The following GPR39 variants were observed in gnomAD, a reference collection of about 807,000 sequenced individuals.
GPR39 encodes the protein G protein-coupled receptor 39.
Under a neutral mutation model 18.4 loss-of-function variants are expected in GPR39, and 23 were observed. The observed-to-expected ratio is 1.25, with a 90% CI of 0.90 to 1.77. The LOEUF is 1.77. Among genes scored for constraint, GPR39 ranks in the 40% most tolerant of loss-of-function variants. GPR39 has a pLI of 0.00. For missense variants in GPR39, 647 were observed against 602.4 expected, an observed-to-expected ratio of 1.07 and a Z score of -0.78; for synonymous variants, 280 against 257.9, an observed-to-expected ratio of 1.09 and a Z score of -0.82.
intron 1 of GPR39, among the ~76,000 whole-genome samples, chr2:132,432,979 C>A (rs539732287): frequency 4.6e-5 from 7 of 152,256 alleles, no homozygotes; most frequent in African/African-American, 1.7e-4. Flanking sequence ...ATTTGAACTA[C>A]TTGGGTCTTC....
intron 1 of GPR39, among the ~76,000 whole-genome samples, chr2:132,531,198 G>C (rs957381572): frequency 3.9e-5 from 6 of 152,150 alleles, no homozygotes; most frequent in African/African-American, 1.4e-4. Flanking sequence ...GGCAGGGGTT[G>C]CAATCCTAGT....
intron 1 of GPR39, among the ~76,000 whole-genome samples, chr2:132,481,847 C>G (rs1246759360): frequency 6.6e-6 from 1 of 152,214 alleles, no homozygotes; most frequent in African/African-American, 2.4e-5. Context: ...ATGCTCCAGC[C>G]TCAGCATGCC....
At chr2:132,550,432 T>C (rs10166090) in intron 1 of GPR39, among the ~76,000 whole-genome samples, 50,290 of 151,956 alleles carry the variant, frequency 0.33, 8,645 homozygotes, top group African/African-American at 0.42. Context: ...GTGTTGCATC[T>C]GTGGTTTCCA....
At position 132,528,930 on chromosome 2, in the gene GPR39, C is replaced by T. The variant is rs532478352; in HGVS notation, c.856+111032C>T. On this transcript the variant is annotated intron_variant, in intron 1 of 1. Coordinates refer to ENST00000329321, the MANE Select transcript of GPR39 (RefSeq NM_001508.3). ...ATAGGAACAGCTCCAGTCTACAGCT[C>T]CCAGCATGAGCGATGCAGAAGACAG... is the stretch of plus-strand genomic sequence containing the variant. Among the ~76,000 whole-genome samples the T allele has an allele frequency of 2.6e-5, 4 of 152,238 alleles. No individual in the cohort carries two copies. In the East Asian group the frequency reaches 7.8e-4, roughly 30 times the overall value.
At chr2:132,473,048 G>A (rs1681062783) in intron 1 of GPR39, among the ~76,000 whole-genome samples, 1 of 152,088 alleles carries the variant, frequency 6.6e-6, no homozygotes, top group Non-Finnish European at 1.5e-5. Context: ...GCCACTGCCT[G>A]AACCTGCTAC....
At chr2:132,555,487 T>G (rs1680133662) in intron 1 of GPR39, among the ~76,000 whole-genome samples, 1 of 152,110 alleles carries the variant, frequency 6.6e-6, no homozygotes, top group Admixed American at 6.5e-5. Context: ...AACTGGCAAG[T>G]TGGTGCTGGG....
At chr2:132,523,046 C>T (rs6759012) in intron 1 of GPR39, among the ~76,000 whole-genome samples, 27,862 of 152,132 alleles carry the variant, frequency 0.18, 3,285 homozygotes, top group East Asian at 0.62. Flanking sequence ...TCTGCCACCA[C>T]CAACTTACGT....
chr2:132,636,282 G>A (rs1054737561), intron 1 of GPR39, among the ~76,000 whole-genome samples: 21 of 152,190 alleles, frequency 1.4e-4, no homozygotes, highest in African/African-American at 5.1e-4. Flanking sequence ...TCTTAGCTCT[G>A]TGCTCCACCC....
chr2:132,557,863 C>G (rs994328161), intron 1 of GPR39, among the ~76,000 whole-genome samples: 16 of 151,964 alleles, frequency 1.1e-4, no homozygotes, highest in African/African-American at 3.4e-4. Flanking sequence ...CCATGCCGCC[C>G]GGGGGGGCTG....
At chr2:132,635,139 A>G (rs923174529) in intron 1 of GPR39, among the ~76,000 whole-genome samples, 4 of 152,192 alleles carry the variant, frequency 2.6e-5, no homozygotes, top group African/African-American at 9.7e-5. Flanking sequence ...TGAGCCAGGC[A>G]CTAGGCCCCA....
At chr2:132,551,048 A>G (rs1055293624) in intron 1 of GPR39, among the ~76,000 whole-genome samples, 1 of 152,178 alleles carries the variant, frequency 6.6e-6, no homozygotes, top group African/African-American at 2.4e-5. Context: ...AGGAGCAGAA[A>G]CCTGACCACA....
intron 1 of GPR39, among the ~76,000 whole-genome samples, chr2:132,617,692 TGTTAG>T (rs760214125): frequency 6.6e-6 from 1 of 152,156 alleles, no homozygotes; most frequent in Non-Finnish European, 1.5e-5. Flanking sequence ...TGTGGGTTAT[TGTTAG>T]TAGTAGCATC....
At chr2:132,615,532 A>G (rs1291925224) in intron 1 of GPR39, among the ~76,000 whole-genome samples, 3 of 152,162 alleles carry the variant, frequency 2.0e-5, no homozygotes, top group East Asian at 3.9e-4. Context: ...TGTTAATGCC[A>G]GCTGACTTGA....
At chr2:132,557,087 G>GCA (rs1405384351) in intron 1 of GPR39, among the ~76,000 whole-genome samples, 2,781 of 152,178 alleles carry the variant, frequency 0.018, 82 homozygotes, top group African/African-American at 0.064. Flanking sequence ...AGGCCAAGGG[G>GCA]GGGGGCAGAT....
At chr2:132,603,845 G>A (rs894563425) in intron 1 of GPR39, among the ~76,000 whole-genome samples, 14 of 152,158 alleles carry the variant, frequency 9.2e-5, no homozygotes, top group Non-Finnish European at 1.5e-4. Flanking sequence ...ACTGACTTAT[G>A]CTAAGGACAG....
intron 1 of GPR39, among the ~76,000 whole-genome samples, chr2:132,572,043 C>A (rs1462118895): frequency 6.6e-6 from 1 of 152,150 alleles, no homozygotes; most frequent in Admixed American, 6.5e-5. Flanking sequence ...GTCTGGGACT[C>A]TCCCAGTGAA....
intron 1 of GPR39, among the ~76,000 whole-genome samples, chr2:132,638,283 G>A (rs369780360): frequency 2.0e-5 from 3 of 152,208 alleles, no homozygotes; most frequent in East Asian, 3.9e-4. Flanking sequence ...TGATGAAAAT[G>A]TGATGCTTTA....
chr2:132,612,046 A>ATG (rs1286972546), intron 1 of GPR39, among the ~76,000 whole-genome samples: 1 of 151,990 alleles, frequency 6.6e-6, no homozygotes, highest in African/African-American at 2.4e-5. Context: ...GGTTGTTTAC[A>ATG]TGTCTCTCTC....
At chr2:132,433,462 C>A (rs928389419) in intron 1 of GPR39, among the ~76,000 whole-genome samples, 1 of 151,960 alleles carries the variant, frequency 6.6e-6, no homozygotes, top group African/African-American at 2.4e-5. Context: ...TCGTGGGCTT[C>A]TCACATAAAT....
Sources: gnomAD v4.1 joint callset for allele counts (sites outside exome capture counted in the v4.1 genomes callset) on GRCh38, gnomAD v4.1.1 for gene constraint, MANE v1.5 for transcripts, NCBI Gene and HGNC (gene_info 2026-07-23, HGNC 2026-07-21) for gene names.